Variants in RANBP2 observed in about 807,000 individuals in gnomAD.
RANBP2 encodes RAN binding protein 2.
RANBP2 carries 57 observed loss-of-function variants against 303.6 expected under a neutral mutation model. The ratio of observed to expected loss-of-function variants is 0.19; its 90% confidence interval spans 0.15 to 0.23. RANBP2 has a LOEUF of 0.23. Ranked by LOEUF, RANBP2 falls within the 10% of genes least tolerant of loss-of-function variation. RANBP2 has a pLI of 1.00. For synonymous variants in RANBP2, 1,167 were observed against 1,301.5 expected (o/e 0.90, Z 2.23); for missense variants, 3,138 against 3,780.8 (o/e 0.83, Z 4.46).
At chr2:109,613,724 G>A in the RANBP2 span, 16 of 1,005,106 alleles carry the variant, frequency 1.6e-5, no homozygotes, top group Non-Finnish European at 2.0e-5. Context: ...CCAGGGGGCC[G>A]GTGGGTCGAG....
the RANBP2 span, among the ~76,000 whole-genome samples, chr2:109,482,106 G>C: frequency 6.6e-6 from 1 of 152,208 alleles, no homozygotes; most frequent in Admixed American, 6.5e-5. Flanking sequence ...AGCAAGTCCC[G>C]GGTTCGAATG....
the RANBP2 span, among the ~76,000 whole-genome samples, chr2:109,611,127 C>A: frequency 6.6e-6 from 1 of 152,186 alleles, no homozygotes; most frequent in African/African-American, 2.4e-5. Context: ...AGCAACTGGA[C>A]ATCCATAGGC....
At chr2:109,029,729 G>A in the RANBP2 span, among the ~76,000 whole-genome samples, 7 of 152,180 alleles carry the variant, frequency 4.6e-5, no homozygotes. Flanking sequence ...AACAGCTGCA[G>A]GACAGGGCCC....
At chr2:108,757,758 C>T (rs1253327750) in intron 17 of RANBP2, among the ~76,000 whole-genome samples, 1 of 152,084 alleles carries the variant, frequency 6.6e-6, no homozygotes, top group Non-Finnish European at 1.5e-5. Context: ...TTTGTAGATA[C>T]TTGTTTTTTT....
At chr2:108,769,813 T>C (rs1392639180) in intron 20 of RANBP2, among the ~76,000 whole-genome samples, 1 of 151,648 alleles carries the variant, frequency 6.6e-6, no homozygotes, top group Non-Finnish European at 1.5e-5. Context: ...ATTTTAGAAG[T>C]GTGGCTACTA....
chr2:109,642,540 G>A, the RANBP2 span, among the ~76,000 whole-genome samples: 1 of 150,668 alleles, frequency 6.6e-6, no homozygotes, highest in Non-Finnish European at 1.5e-5. Flanking sequence ...ATGAGGTCAG[G>A]AGATTGAGAC....
intron 1 of RANBP2, among the ~76,000 whole-genome samples, chr2:108,728,800 A>G (rs1433332696): frequency 1.3e-5 from 2 of 152,100 alleles, no homozygotes; most frequent in Admixed American, 6.6e-5. Flanking sequence ...ACCCACCATC[A>G]TGCCTGGCTA....
the RANBP2 span, among the ~76,000 whole-genome samples, chr2:109,275,052 G>A: frequency 5.9e-5 from 9 of 152,044 alleles, no homozygotes; most frequent in Non-Finnish European, 1.3e-4. Context: ...ATGTAAAATT[G>A]TCCCCTTAGA....
chr2:109,275,252 T>C, the RANBP2 span, among the ~76,000 whole-genome samples: 88 of 152,292 alleles, frequency 5.8e-4, no homozygotes, highest in African/African-American at 2.0e-3. Context: ...GAGACTGATA[T>C]TCACCCTACC....
the RANBP2 span, among the ~76,000 whole-genome samples, chr2:109,357,572 C>T: frequency 2.6e-5 from 4 of 152,244 alleles, no homozygotes; most frequent in Admixed American, 6.5e-5. Context: ...CGCATGTCTA[C>T]TAACACTACA....
chr2:108,831,444 G>C, the RANBP2 span, among the ~76,000 whole-genome samples: 1 of 152,108 alleles, frequency 6.6e-6, no homozygotes, highest in Non-Finnish European at 1.5e-5. Context: ...TTTGGATTAA[G>C]AATATAAATA....
At chr2:109,500,838 T>A in the RANBP2 span, among the ~76,000 whole-genome samples, 4,104 of 152,068 alleles carry the variant, frequency 0.027, 115 homozygotes, top group African/African-American at 0.068. Context: ...TGGTCCCAGC[T>A]ATTCGGGAGG....
At chr2:109,590,037 C>T in the RANBP2 span, among the ~76,000 whole-genome samples, 6 of 146,844 alleles carry the variant, frequency 4.1e-5, no homozygotes, top group African/African-American at 1.3e-4. Context: ...CACATATATA[C>T]ACACATATAT....
At chr2:109,190,689 G>A in the RANBP2 span, among the ~76,000 whole-genome samples, 1 of 152,070 alleles carries the variant, frequency 6.6e-6, no homozygotes, top group Non-Finnish European at 1.5e-5. Context: ...AAAATCACCT[G>A]CTGATGGTCT....
At chr2:108,722,023 C>A (rs1308160076) in intron 1 of RANBP2, among the ~76,000 whole-genome samples, 1 of 150,952 alleles carries the variant, frequency 6.6e-6, no homozygotes, top group African/African-American at 2.4e-5. Context: ...GTGTGAGCCA[C>A]TCTGCTCAGC....
At chr2:108,941,112 T>C in the RANBP2 span, among the ~76,000 whole-genome samples, 2 of 152,248 alleles carry the variant, frequency 1.3e-5, no homozygotes, top group Non-Finnish European at 2.9e-5. Context: ...GGGCAGCTGG[T>C]TTCTTTCACT....
the RANBP2 span, chr2:109,613,352 G>A: frequency 2.8e-6 from 1 of 359,422 alleles, no homozygotes; most frequent in Non-Finnish European, 5.2e-6. Context: ...CGGATAAAAC[G>A]GGAGAGCTTT....
At chr2:109,200,495 C>T in the RANBP2 span, among the ~76,000 whole-genome samples, 1 of 152,162 alleles carries the variant, frequency 6.6e-6, no homozygotes, top group South Asian at 2.1e-4. Context: ...GTGTCCTGCT[C>T]AGTCGGCGGG....
chr2:108,829,158 TAA>T, the RANBP2 span, among the ~76,000 whole-genome samples: 1 of 151,994 alleles, frequency 6.6e-6, no homozygotes, highest in Non-Finnish European at 1.5e-5. Context: ...TCATCAAAAT[TAA>T]AAATGTTTGT....
Sources: gnomAD v4.1 joint callset for allele counts (sites outside exome capture counted in the v4.1 genomes callset) on GRCh38, gnomAD v4.1.1 for gene constraint, MANE v1.5 for transcripts, NCBI Gene and HGNC (gene_info 2026-07-23, HGNC 2026-07-21) for gene names.